The following NRG1 variants were observed in gnomAD, a reference collection of about 807,000 sequenced individuals.
The protein encoded by NRG1 is neuregulin 1.
NRG1 carries 18 observed loss-of-function variants against 63.8 expected under a neutral mutation model. The ratio of observed to expected loss-of-function variants is 0.28; its 90% CI spans 0.19 to 0.42. The LOEUF (loss-of-function observed/expected upper bound fraction) is 0.42. NRG1 is among the 10% of genes least tolerant of loss of function. The probability of loss-of-function intolerance (pLI) is 1.00; values close to 1 mark genes in which losing one functional copy is unlikely to be tolerated. For missense variants in NRG1, 762 were observed against 814.7 expected (o/e 0.94, Z 0.79); for synonymous variants, 302 against 301.3 (o/e 1.00, Z -0.02).
At chr8:32,479,648 A>G (rs1824983743) in intron 1 of NRG1, among the ~76,000 whole-genome samples, 2 of 151,858 alleles carry the variant, frequency 1.3e-5, no homozygotes, top group Admixed American at 6.6e-5. Context: ...ATTTATTCTC[A>G]TTATTTTTTG....
intron 5 of NRG1, among the ~76,000 whole-genome samples, chr8:32,664,578 A>G (rs1198179286): frequency 6.6e-6 from 1 of 152,096 alleles, no homozygotes; most frequent in African/African-American, 2.4e-5. Flanking sequence ...CCTCACACAC[A>G]CAAAAAAAAC....
intron 1 of NRG1, among the ~76,000 whole-genome samples, chr8:32,325,995 C>T (rs1354530628): frequency 6.7e-6 from 1 of 149,690 alleles, no homozygotes; most frequent in Non-Finnish European, 1.5e-5. Context: ...GATGTTTTCT[C>T]TTCACATCAG....
At chr8:31,820,461 C>T (rs369961909) in intron 1 of NRG1, among the ~76,000 whole-genome samples, 21 of 152,264 alleles carry the variant, frequency 1.4e-4, no homozygotes, top group African/African-American at 5.1e-4. Context: ...AGGAACAGTT[C>T]ATTGTCTTTT....
At chr8:32,718,588 G>T (rs1458438922) in intron 5 of NRG1, among the ~76,000 whole-genome samples, 1 of 152,126 alleles carries the variant, frequency 6.6e-6, no homozygotes, top group Non-Finnish European at 1.5e-5. Flanking sequence ...TGGCTTCTCT[G>T]GTATGGTTGC....
At chr8:31,766,328 C>T (rs548003335) in intron 1 of NRG1, among the ~76,000 whole-genome samples, 3 of 152,272 alleles carry the variant, frequency 2.0e-5, no homozygotes, top group Admixed American at 2.0e-4. Context: ...GTCTTCACCC[C>T]TCTGTTACTA....
chr8:32,701,160 C>T (rs1935582619), intron 5 of NRG1, among the ~76,000 whole-genome samples: 1 of 152,168 alleles, frequency 6.6e-6, no homozygotes, highest in South Asian at 2.1e-4. Flanking sequence ...ATGCTTCTAT[C>T]CTCATCTTCT....
At chr8:32,628,802 G>A (rs958683107) in intron 5 of NRG1, among the ~76,000 whole-genome samples, 10 of 148,642 alleles carry the variant, frequency 6.7e-5, no homozygotes, top group African/African-American at 2.2e-4. Context: ...GCATGATCTC[G>A]GCTCACTGCA....
At chr8:31,852,637 G>T (rs1586814158) in intron 1 of NRG1, among the ~76,000 whole-genome samples, 2 of 151,162 alleles carry the variant, frequency 1.3e-5, no homozygotes, top group Non-Finnish European at 3.0e-5. Flanking sequence ...GTCAATTTTG[G>T]CTTTTGTTGC....
intron 1 of NRG1, among the ~76,000 whole-genome samples, chr8:32,339,905 G>C (rs1411596591): frequency 1.3e-5 from 2 of 151,950 alleles, no homozygotes; most frequent in African/African-American, 4.8e-5. Context: ...TTTTTTTAAT[G>C]GTTTGTAATC....
intron 1 of NRG1, among the ~76,000 whole-genome samples, chr8:32,246,040 A>C (rs901588347): frequency 6.6e-6 from 1 of 152,140 alleles, no homozygotes; most frequent in Non-Finnish European, 1.5e-5. Context: ...AATGTTTCCA[A>C]TATTTCATGC....
Position 32,427,195 on chromosome 8 carries a change from A to G in NRG1, c.38-168633A>G, listed in dbSNP as rs561383453. Among the ~76,000 whole-genome samples, 11 of 152,336 alleles carry G rather than the reference A, an allele frequency of 7.2e-5. 1 individual carries two copies. Among genetic ancestry groups the G allele is most frequent in the South Asian group, 4.1e-4 (2 of 4,828 alleles). ...AACTCTTTAAGCCCATAGAAAAAGT[A>G]GAAAAGCCATTGTGATATGAGTTTG... On this transcript the variant is annotated intron_variant, in intron 1 of 10. Transcript: ENST00000519301.
chr8:31,703,620 C>T (rs1381816848), intron 1 of NRG1, among the ~76,000 whole-genome samples: 2 of 152,080 alleles, frequency 1.3e-5, no homozygotes, highest in African/African-American at 2.4e-5. Context: ...TAGTTGATGA[C>T]CTTATAGAGA....
At position 32,412,430 on chromosome 8, in the gene NRG1, A is replaced by C. The variant is rs1457058146; in HGVS notation, c.38-183398A>C. On this transcript the variant is annotated intron_variant, in intron 1 of 10. Transcript: ENST00000519301. Reference sequence around the variant, plus strand: ...TCTCTCTCTCTCTCTCTACATATATATATATATATATATATATATATACAT... The same window carrying C: ...TCTCTCTCTCTCTCTCTACATATATCTATATATATATATATATATATACAT... Among the ~76,000 whole-genome samples, 141 of 39,134 alleles carry C rather than the reference A, an allele frequency of 3.6e-3. 3 individuals are homozygous for C. Among genetic ancestry groups the C allele is most frequent in the African/African-American group, 9.6e-3 (137 of 14,324 alleles). The allele number at this position is 39,134 out of a possible 152,430, so 25.7% of individuals were successfully genotyped here. A position where few individuals can be genotyped will look rare whatever the true frequency, so the allele number is the denominator to read the frequency against.
chr8:31,856,448 T>C (rs1585293003), intron 1 of NRG1, among the ~76,000 whole-genome samples: 1 of 152,378 alleles, frequency 6.6e-6, no homozygotes. Context: ...TCTCGAGCCT[T>C]GGTTTTTAGC....
chr8:32,705,161 C>T (rs1816031716), intron 5 of NRG1, among the ~76,000 whole-genome samples: 1 of 143,456 alleles, frequency 7.0e-6, no homozygotes, highest in Non-Finnish European at 1.5e-5. Flanking sequence ...GAGACGGAGT[C>T]TCGCTGTGTC....
At chr8:32,411,385 A>C (rs1563426592) in intron 1 of NRG1, among the ~76,000 whole-genome samples, 1 of 152,196 alleles carries the variant, frequency 6.6e-6, no homozygotes, top group Non-Finnish European at 1.5e-5. Flanking sequence ...AAAAGAAATA[A>C]TGTTTGTACT....
At chr8:32,712,150 A>C (rs1461374712) in intron 5 of NRG1, among the ~76,000 whole-genome samples, 1 of 152,154 alleles carries the variant, frequency 6.6e-6, no homozygotes, top group Non-Finnish European at 1.5e-5. Context: ...TCTAGACATC[A>C]ATTCTAGCAT....
intron 1 of NRG1, among the ~76,000 whole-genome samples, chr8:32,206,692 T>C (rs1020925281): frequency 1.3e-5 from 2 of 152,218 alleles, no homozygotes; most frequent in South Asian, 2.1e-4. Context: ...ATTACATGGA[T>C]GTATTGTGTA....
chr8:31,916,525 G>T (rs1281835353), intron 1 of NRG1, among the ~76,000 whole-genome samples: 1 of 152,144 alleles, frequency 6.6e-6, no homozygotes, highest in Non-Finnish European at 1.5e-5. Context: ...CCCTATAAAG[G>T]ACATGAACTC....
Sources: allele counts gnomAD v4.1 joint callset (sites outside exome capture counted in the v4.1 genomes callset), GRCh38; gene constraint gnomAD v4.1.1; transcripts MANE v1.5; gene names NCBI Gene and HGNC (gene_info 2026-07-23, HGNC 2026-07-21).